CDH13: variants seen among roughly 807,000 people sequenced by gnomAD.
The protein encoded by CDH13 is cadherin-13.
Under a neutral mutation model 63.8 loss-of-function variants are expected in CDH13, and 24 were observed. The ratio of observed to expected loss-of-function variants is 0.38; its 90% CI spans 0.27 to 0.53. The LOEUF is 0.53. CDH13 is among the 20% of genes least tolerant of loss of function. CDH13 has a pLI of 0.85. For missense variants in CDH13, 1,049 were observed against 903.1 expected (o/e 1.16, Z -2.07); for synonymous variants, 503 against 355.3 (o/e 1.42, Z -4.67).
intron 5 of CDH13, among the ~76,000 whole-genome samples, chr16:83,286,230 G>A (rs531513038): frequency 6.6e-6 from 1 of 152,272 alleles, no homozygotes; most frequent in Non-Finnish European, 1.5e-5. Context: ...TCCCACATCA[G>A]CCCCAGGCAG....
chr16:83,688,540 T>A (rs748818003), intron 10 of CDH13, among the ~76,000 whole-genome samples: 1 of 152,212 alleles, frequency 6.6e-6, no homozygotes, highest in Non-Finnish European at 1.5e-5. Context: ...TAAACTATAT[T>A]ATTAACACTT....
chr16:83,716,693 G>C (rs759956868), intron 10 of CDH13, among the ~76,000 whole-genome samples: 1 of 151,800 alleles, frequency 6.6e-6, no homozygotes, highest in African/African-American at 2.4e-5. Flanking sequence ...TATGTTGGCC[G>C]GGCTGGTCTC....
chr16:83,676,794 G>C (rs1914992914), intron 9 of CDH13, among the ~76,000 whole-genome samples: 1 of 152,206 alleles, frequency 6.6e-6, no homozygotes, highest in Non-Finnish European at 1.5e-5. Flanking sequence ...GCTTAGCACT[G>C]AATACATGTC....
intron 6 of CDH13, among the ~76,000 whole-genome samples, chr16:83,470,207 C>A (rs920748466): frequency 6.6e-6 from 1 of 152,112 alleles, no homozygotes; most frequent in Admixed American, 6.5e-5. Flanking sequence ...TGGTGTTTTT[C>A]TGTGTGTTTG....
At chr16:83,425,202 AAGG>A (rs1231283936) in intron 6 of CDH13, among the ~76,000 whole-genome samples, 2 of 152,322 alleles carry the variant, frequency 1.3e-5, no homozygotes, top group East Asian at 1.9e-4. Context: ...CGTAAATTGG[AAGG>A]AGGAGTGATG....
intron 7 of CDH13, among the ~76,000 whole-genome samples, chr16:83,496,916 A>G (rs1452976092): frequency 6.6e-6 from 1 of 152,232 alleles, no homozygotes; most frequent in African/African-American, 2.4e-5. Flanking sequence ...AAAAATGCTC[A>G]TCATCACTGG....
chr16:82,697,433 T>C lies in CDH13; in HGVS notation c.45+70296T>C, dbSNP rs933922000. Among the ~76,000 whole-genome samples the C allele has an allele frequency of 2.8e-4, 39 of 138,108 alleles. No individual in the cohort carries two copies. The East Asian group carries it at 5.3e-3, about 19-fold the overall frequency. 90.6% of individuals were successfully genotyped at this position (138,108 alleles called of 152,430 possible). On this transcript the variant is annotated intron_variant, in intron 1 of 13. Transcript: ENST00000567109. ...AGGCATTTCTTTTTTCTTTTTTTTT[T>C]TTTTTTTTTTTTTTGAGACAGAGTC...
intron 4 of CDH13, among the ~76,000 whole-genome samples, chr16:83,137,064 CA>C (rs1406128007): frequency 5.3e-5 from 8 of 152,180 alleles, no homozygotes; most frequent in Admixed American, 3.9e-4. Flanking sequence ...TGGAAGGGGT[CA>C]GGGGGCACAT....
chr16:83,552,768 C>T (rs985678122), intron 7 of CDH13, among the ~76,000 whole-genome samples: 1 of 152,160 alleles, frequency 6.6e-6, no homozygotes, highest in African/African-American at 2.4e-5. Flanking sequence ...ACATATCATG[C>T]CTGTGTTCAG....
At chr16:83,709,559 A>G (rs188142161) in intron 10 of CDH13, among the ~76,000 whole-genome samples, 2 of 152,370 alleles carry the variant, frequency 1.3e-5, no homozygotes, top group Admixed American at 1.3e-4. Context: ...TGGGCTTTAT[A>G]CATAGCAAAC....
intron 5 of CDH13, among the ~76,000 whole-genome samples, chr16:83,326,597 C>T (rs1184291937): frequency 6.6e-6 from 1 of 152,020 alleles, no homozygotes; most frequent in Non-Finnish European, 1.5e-5. Context: ...TTACACTTTG[C>T]CTGGTAGTGG....
chr16:82,942,619 G>C (rs1473600240), intron 2 of CDH13, among the ~76,000 whole-genome samples: 1 of 152,150 alleles, frequency 6.6e-6, no homozygotes, highest in Admixed American at 6.5e-5. Context: ...GATGGGTCCT[G>C]TGATGTGGCC....
chr16:82,894,747 C>G (rs1261443036), intron 2 of CDH13, among the ~76,000 whole-genome samples: 2 of 152,188 alleles, frequency 1.3e-5, no homozygotes, highest in Non-Finnish European at 2.9e-5. Context: ...AAGGCTGTAG[C>G]TAGCATGGCC....
intron 3 of CDH13, among the ~76,000 whole-genome samples, chr16:83,107,716 G>A (rs1323523130): frequency 6.7e-6 from 1 of 149,768 alleles, no homozygotes; most frequent in Non-Finnish European, 1.5e-5. Flanking sequence ...TTTGCGTAGT[G>A]AGTGGAATTT....
intron 2 of CDH13, among the ~76,000 whole-genome samples, chr16:82,979,155 G>A (rs1245470693): frequency 1.3e-5 from 2 of 152,228 alleles, no homozygotes; most frequent in African/African-American, 4.8e-5. Flanking sequence ...ATTTGGAACA[G>A]ATGTATTTAT....
intron 6 of CDH13, among the ~76,000 whole-genome samples, chr16:83,445,917 G>C (rs1022940144): frequency 1.3e-5 from 2 of 152,140 alleles, no homozygotes; most frequent in African/African-American, 4.8e-5. Flanking sequence ...AGAGATCTTT[G>C]TGCCTCTTGA....
At chr16:83,161,206 TC>T (rs2037429718) in intron 4 of CDH13, among the ~76,000 whole-genome samples, 1 of 152,154 alleles carries the variant, frequency 6.6e-6, no homozygotes, top group African/African-American at 2.4e-5. Context: ...GCCTCCAGTT[TC>T]CAGGGAGATA....
chr16:83,068,164 G>A (rs2032160919), intron 3 of CDH13, among the ~76,000 whole-genome samples: 1 of 152,184 alleles, frequency 6.6e-6, no homozygotes, highest in African/African-American at 2.4e-5. Context: ...GTACACAGCA[G>A]ATGCCAACTT....
intron 8 of CDH13, among the ~76,000 whole-genome samples, chr16:83,643,558 A>G (rs2150806579): frequency 6.6e-6 from 1 of 152,256 alleles, no homozygotes; most frequent in Non-Finnish European, 1.5e-5. Flanking sequence ...AGCACCTGCT[A>G]CATAGTAATG....
Sources: gnomAD v4.1 joint callset for allele counts (sites outside exome capture counted in the v4.1 genomes callset) on GRCh38, gnomAD v4.1.1 for gene constraint, MANE v1.5 for transcripts, NCBI Gene and HGNC (gene_info 2026-07-23, HGNC 2026-07-21) for gene names.